Variants in NKAIN1 observed in about 807,000 individuals in gnomAD.
NKAIN1 encodes the protein sodium/potassium transporting ATPase interacting 1.
Under a neutral mutation model 31.6 loss-of-function variants are expected in NKAIN1, and 13 were observed. The ratio of observed to expected loss-of-function variants is 0.41; its 90% confidence interval spans 0.27 to 0.65. The LOEUF (loss-of-function observed/expected upper bound fraction) is 0.65. Ranked by LOEUF, NKAIN1 falls within the 30% of genes least tolerant of loss-of-function variation. The probability of loss-of-function intolerance (pLI) is 0.30; values close to 1 mark genes in which losing one functional copy is unlikely to be tolerated. For synonymous variants in NKAIN1, 104 were observed against 109.0 expected (o/e 0.95, Z 0.28); for missense variants, 193 against 262.2 (o/e 0.74, Z 1.82).
chr1:31,236,897 C>A (rs1353609947), intron 1 of NKAIN1, among the ~76,000 whole-genome samples: 1 of 152,156 alleles, frequency 6.6e-6, no homozygotes, highest in Non-Finnish European at 1.5e-5. Flanking sequence ...CTTACCAGGG[C>A]CAGAACTACT....
intron 1 of NKAIN1, among the ~76,000 whole-genome samples, chr1:31,207,601 C>G (rs1412783635): frequency 6.6e-6 from 1 of 152,162 alleles, no homozygotes; most frequent in African/African-American, 2.4e-5. Context: ...CCCCCTGCCC[C>G]ACTCTTGTTC....
chr1:31,183,848 G>A lies in NKAIN1; in HGVS notation c.440C>T (p.Ala147Val). ...GCLLDYPYIEALSSALQIFLA... is the reference protein window; with the variant it reads ...GCLLDYPYIEVLSSALQIFLA... ...GAAGATCTGCAGGGCGCTGCTGAGG[G>A]CTTCAATGTAGGGGTAGTCAAGCAG... The change falls in exon 4 of 7, where the codon GCC becomes GTC. Residue 147 changes from alanine to valine, a missense_variant. Transcript: ENST00000373736. 6.2e-7 allele frequency: 1 copy of A among 1,613,958 alleles called. No homozygotes were observed. The highest frequency in any genetic ancestry group is 1.3e-5 in the African/African-American group (1 of 74,998).
chr1:31,203,587 A>ATTTTTTT (rs374430209), intron 1 of NKAIN1, among the ~76,000 whole-genome samples: 1 of 142,632 alleles, frequency 7.0e-6, no homozygotes, highest in Non-Finnish European at 1.5e-5. Flanking sequence ...TCGAGGAGTA[A>ATTTTTTT]TTTTTTTTTT....
chr1:31,191,452 C>T (rs1487067473), intron 1 of NKAIN1, among the ~76,000 whole-genome samples: 6 of 139,476 alleles, frequency 4.3e-5, no homozygotes, highest in Non-Finnish European at 9.1e-5. Flanking sequence ...GTCATTTAAA[C>T]TCAGATTCAA....
chr1:31,197,006 A>G (rs554425408), intron 1 of NKAIN1, among the ~76,000 whole-genome samples: 3 of 152,208 alleles, frequency 2.0e-5, no homozygotes, highest in African/African-American at 7.2e-5. Flanking sequence ...ATAGGGTTGC[A>G]AGAAGAGTCA....
intron 1 of NKAIN1, among the ~76,000 whole-genome samples, chr1:31,209,671 G>A (rs577892479): frequency 6.6e-6 from 1 of 152,134 alleles, no homozygotes; most frequent in South Asian, 2.1e-4. Context: ...AAAAAAAGTA[G>A]CCAGACATAG....
intron 1 of NKAIN1, among the ~76,000 whole-genome samples, chr1:31,191,743 A>G (rs967878607): frequency 2.0e-5 from 3 of 152,162 alleles, no homozygotes; most frequent in Admixed American, 2.0e-4. Flanking sequence ...ACAGCAGTTA[A>G]AGTCCTACCT....
Position 31,194,113 on chromosome 1 carries a change from C to T in NKAIN1, c.55-5926G>A, listed in dbSNP as rs114170804. Among the ~76,000 whole-genome samples, 698 of 152,250 alleles carry T rather than the reference C, an allele frequency of 4.6e-3. 5 individuals are homozygous for T. Among genetic ancestry groups the T allele is most frequent in the African/African-American group, 0.015 (614 of 41,556 alleles). On this transcript the variant is annotated intron_variant, in intron 1 of 6. Coordinates refer to ENST00000373736, the MANE Select transcript of NKAIN1 (RefSeq NM_024522.3). ...GGATACAGACTTCTCCCTGATCTCCCGCCAGGGGAAGGCTGGCCACCACCC... is the reference window on the plus strand; with the variant it reads ...GGATACAGACTTCTCCCTGATCTCCTGCCAGGGGAAGGCTGGCCACCACCC...
chr1:31,216,700 T>C (rs868689265), intron 1 of NKAIN1, among the ~76,000 whole-genome samples: 2,688 of 149,404 alleles, frequency 0.018, 104 homozygotes, highest in East Asian at 0.13. Context: ...TTTTATTTAT[T>C]TATTTATTTA....
At chr1:31,182,680 A>G (rs1570447155) in intron 4 of NKAIN1, 90 bp from the exon 5 acceptor site, 1 of 1,413,188 alleles carries the variant, frequency 7.1e-7, no homozygotes, top group Non-Finnish European at 9.9e-7. Context: ...CTGACTGGCA[A>G]GGGAGGAGGC....
chr1:31,205,482 T>C (rs1464241814), intron 1 of NKAIN1, among the ~76,000 whole-genome samples: 4 of 152,018 alleles, frequency 2.6e-5, no homozygotes, highest in East Asian at 1.9e-4. Flanking sequence ...ATAATTTTTG[T>C]ATTTTTAGTA....
intron 1 of NKAIN1, among the ~76,000 whole-genome samples, chr1:31,188,883 C>A (rs191240120): frequency 6.6e-6 from 1 of 151,968 alleles, no homozygotes; most frequent in South Asian, 2.1e-4. Context: ...TGTGGTGGTG[C>A]GCACCTGTAG....
At chr1:31,207,284 C>T (rs1024985538) in intron 1 of NKAIN1, among the ~76,000 whole-genome samples, 6 of 152,132 alleles carry the variant, frequency 3.9e-5, no homozygotes, top group African/African-American at 7.2e-5. Context: ...TTTCAAATCC[C>T]GGCTCTGTCA....
intron 1 of NKAIN1, among the ~76,000 whole-genome samples, chr1:31,216,860 A>G (rs948131113): frequency 2.6e-5 from 4 of 151,468 alleles, no homozygotes; most frequent in African/African-American, 9.7e-5. Context: ...CGCCTAGCTA[A>G]TTTTTGTATT....
At chr1:31,193,797 A>T (rs1221909404) in intron 1 of NKAIN1, 1 of 152,142 alleles carries the variant, frequency 6.6e-6, no homozygotes, top group African/African-American at 2.4e-5. Context: ...GAACAAAATA[A>T]GAGGAATACC....
At chr1:31,223,590 C>A (rs7523841) in intron 1 of NKAIN1, among the ~76,000 whole-genome samples, 1 of 151,658 alleles carries the variant, frequency 6.6e-6, no homozygotes, top group Non-Finnish European at 1.5e-5. Context: ...GACTACAGGC[C>A]CCTGCCACCA....
At chr1:31,185,666 A>T (rs1382367736) in intron 2 of NKAIN1, among the ~76,000 whole-genome samples, 1 of 152,156 alleles carries the variant, frequency 6.6e-6, no homozygotes, top group Non-Finnish European at 1.5e-5. Flanking sequence ...CATCCTCTAG[A>T]CCAGCTGTCT....
At chr1:31,204,225 C>T (rs1645406334) in intron 1 of NKAIN1, among the ~76,000 whole-genome samples, 3 of 152,010 alleles carry the variant, frequency 2.0e-5, no homozygotes, top group Admixed American at 2.0e-4. Flanking sequence ...TTCTGCTGGT[C>T]CCTAGGAGGC....
intron 1 of NKAIN1, among the ~76,000 whole-genome samples, chr1:31,191,393 G>A (rs1399417939): frequency 7.7e-6 from 1 of 130,050 alleles, no homozygotes; most frequent in African/African-American, 2.6e-5. Flanking sequence ...ATAGAAAACA[G>A]AGAGAGGTTT....
Sources: allele counts gnomAD v4.1 joint callset (sites outside exome capture counted in the v4.1 genomes callset), GRCh38; gene constraint gnomAD v4.1.1; transcripts MANE v1.5; gene names NCBI Gene and HGNC (gene_info 2026-07-23, HGNC 2026-07-21).